KIAA1217: variants seen among roughly 807,000 people sequenced by gnomAD.
KIAA1217 encodes the protein sickle tail protein homolog.
A neutral mutation model predicts 163.9 loss-of-function variants in KIAA1217; 88 were observed. The ratio of observed to expected loss-of-function variants is 0.54; its 90% CI spans 0.45 to 0.64. The LOEUF (loss-of-function observed/expected upper bound fraction) is 0.64, where lower values mean the gene tolerates loss of function less well. Among genes scored for constraint, KIAA1217 ranks in the 30% least tolerant of loss-of-function variants. The pLI is 0.00. For synonymous variants in KIAA1217, 903 were observed against 923.1 expected, an observed-to-expected ratio of 0.98 and a Z score of 0.39; for missense variants, 2,372 against 2,475.0, an observed-to-expected ratio of 0.96 and a Z score of 0.88.
At chr10:23,807,576 C>G (rs951478) in intron 1 of KIAA1217, among the ~76,000 whole-genome samples, 27,887 of 152,118 alleles carry the variant, frequency 0.18, 2,710 homozygotes, top group Middle Eastern at 0.27. Flanking sequence ...ATTCTTCAAG[C>G]AAATGGGAAC....
chr10:23,812,900 T>C (rs1433361048), intron 1 of KIAA1217, among the ~76,000 whole-genome samples: 1 of 152,198 alleles, frequency 6.6e-6, no homozygotes, highest in East Asian at 1.9e-4. Context: ...AATGCTGTTA[T>C]GAACATTCAT....
chr10:23,770,101 A>T (rs1339580893), intron 1 of KIAA1217, among the ~76,000 whole-genome samples: 2 of 152,214 alleles, frequency 1.3e-5, no homozygotes, highest in African/African-American at 4.8e-5. Context: ...GATAGTTTTG[A>T]TTCTAGGAAG....
intron 9 of KIAA1217, among the ~76,000 whole-genome samples, chr10:24,504,623 C>G (rs2068101364): frequency 6.6e-6 from 1 of 152,154 alleles, no homozygotes; most frequent in Non-Finnish European, 1.5e-5. Context: ...CTAGACTAGT[C>G]TCAAAAGAAC....
chr10:24,122,892 TA>T (rs2063334607), intron 2 of KIAA1217, among the ~76,000 whole-genome samples: 1 of 151,590 alleles, frequency 6.6e-6, no homozygotes, highest in African/African-American at 2.4e-5. Context: ...TATTTTAATA[TA>T]AAAATAATAT....
chr10:24,207,175 G>A (rs929990074), upstream of KIAA1217, among the ~76,000 whole-genome samples: 2 of 151,900 alleles, frequency 1.3e-5, no homozygotes, highest in African/African-American at 4.8e-5. Flanking sequence ...TGTTAAGCAC[G>A]GGCTCTCTGG....
chr10:23,878,136 C>G (rs1416601864), intron 1 of KIAA1217, among the ~76,000 whole-genome samples: 1 of 151,860 alleles, frequency 6.6e-6, no homozygotes, highest in Non-Finnish European at 1.5e-5. Context: ...TGGCTGTGAG[C>G]AGTGCGAGAC....
intron 1 of KIAA1217, among the ~76,000 whole-genome samples, chr10:23,739,603 T>C (rs1838996898): frequency 6.6e-6 from 1 of 152,216 alleles, no homozygotes; most frequent in Non-Finnish European, 1.5e-5. Flanking sequence ...CAGGGCTTTC[T>C]GGCTTTTGCT....
intron 2 of KIAA1217, among the ~76,000 whole-genome samples, chr10:24,319,629 G>A (rs1014039776): frequency 3.3e-5 from 5 of 152,190 alleles, no homozygotes; most frequent in African/African-American, 1.2e-4. Flanking sequence ...AGGCCCGGGG[G>A]CTAGAGCGCA....
chr10:24,497,092 T>A (rs1425512149), intron 8 of KIAA1217, among the ~76,000 whole-genome samples: 1 of 152,210 alleles, frequency 6.6e-6, no homozygotes. Flanking sequence ...ATAGCAGCCT[T>A]GTATAGTGCA....
chr10:23,752,882 C>G (rs774086785), intron 1 of KIAA1217, among the ~76,000 whole-genome samples: 4 of 152,148 alleles, frequency 2.6e-5, no homozygotes, highest in Non-Finnish European at 5.9e-5. Context: ...GCTACACATA[C>G]TACAATTTAT....
intron 2 of KIAA1217, among the ~76,000 whole-genome samples, chr10:24,244,177 A>G (rs747789749): frequency 1.3e-5 from 2 of 152,172 alleles, no homozygotes; most frequent in Non-Finnish European, 2.9e-5. Flanking sequence ...TTCTCTTTGA[A>G]TGTCATTTTT....
chr10:24,113,710 T>C (rs537285474), intron 2 of KIAA1217, among the ~76,000 whole-genome samples: 1 of 152,328 alleles, frequency 6.6e-6, no homozygotes, highest in East Asian at 1.9e-4. Flanking sequence ...CTGTCCCAGA[T>C]GTCCACTCTT....
intron 2 of KIAA1217, among the ~76,000 whole-genome samples, chr10:24,126,749 A>G (rs141075487): frequency 4.7e-4 from 71 of 152,058 alleles, no homozygotes; most frequent in African/African-American, 1.6e-3. Flanking sequence ...TCTTCCCTTC[A>G]CTTGGCATCT....
At chr10:24,081,431 A>T (rs2131657123) in intron 2 of KIAA1217, among the ~76,000 whole-genome samples, 1 of 152,288 alleles carries the variant, frequency 6.6e-6, no homozygotes, top group African/African-American at 2.4e-5. Flanking sequence ...TGGGCACAGC[A>T]GTTGACCTGA....
chr10:24,191,928 A>G (rs1589841715), intron 2 of KIAA1217, among the ~76,000 whole-genome samples: 1 of 152,066 alleles, frequency 6.6e-6, no homozygotes, highest in East Asian at 1.9e-4. Context: ...TAATTTTTGT[A>G]TTTTTAGTAG....
chr10:24,286,991 T>G (rs1361793473), intron 2 of KIAA1217, among the ~76,000 whole-genome samples: 2 of 152,208 alleles, frequency 1.3e-5, no homozygotes, highest in East Asian at 3.8e-4. Flanking sequence ...GCTTATGGAT[T>G]TGGACTTCAA....
chr10:24,125,707 A>G (rs1172554663), intron 2 of KIAA1217, among the ~76,000 whole-genome samples: 1 of 152,026 alleles, frequency 6.6e-6, no homozygotes, highest in East Asian at 1.9e-4. Flanking sequence ...TCTATTTCTA[A>G]CAGTGAAAAT....
chr10:24,410,854 C>A (rs77890708), intron 3 of KIAA1217, among the ~76,000 whole-genome samples: 1 of 152,134 alleles, frequency 6.6e-6, no homozygotes, highest in African/African-American at 2.4e-5. Context: ...TCTTTATGGG[C>A]AAATTGTAAC....
intron 2 of KIAA1217, among the ~76,000 whole-genome samples, chr10:24,265,944 A>G (rs2076192732): frequency 6.6e-6 from 1 of 152,170 alleles, no homozygotes; most frequent in African/African-American, 2.4e-5. Context: ...TACACTCTAG[A>G]TTTCCCTTTA....
Sources: gnomAD v4.1 joint callset for allele counts (sites outside exome capture counted in the v4.1 genomes callset) on GRCh38, gnomAD v4.1.1 for gene constraint, MANE v1.5 for transcripts, NCBI Gene and HGNC (gene_info 2026-07-23, HGNC 2026-07-21) for gene names.